CNTNAP5: variants seen among roughly 807,000 people sequenced by gnomAD.
CNTNAP5 encodes contactin-associated protein-like 5.
CNTNAP5 carries 72 observed loss-of-function variants against 150.2 expected under a neutral mutation model. The observed-to-expected ratio is 0.48, with a 90% CI of 0.40 to 0.58. The LOEUF (loss-of-function observed/expected upper bound fraction) is 0.58. CNTNAP5 is among the 20% of genes least tolerant of loss of function. The pLI is 0.00. For synonymous variants in CNTNAP5, 672 were observed against 619.8 expected (o/e 1.08, Z -1.25); for missense variants, 1,636 against 1,626.2 (o/e 1.01, Z -0.10).
chr2:124,506,612 A>T (rs1694412874), intron 8 of CNTNAP5, among the ~76,000 whole-genome samples: 1 of 152,238 alleles, frequency 6.6e-6, no homozygotes, highest in South Asian at 2.1e-4. Context: ...AGTCAAGTTT[A>T]AAAGTATTAA....
chr2:124,244,025 C>G (rs1486442952), intron 3 of CNTNAP5, among the ~76,000 whole-genome samples: 1 of 152,070 alleles, frequency 6.6e-6, no homozygotes, highest in Non-Finnish European at 1.5e-5. Context: ...TTCTCTGGTA[C>G]TTGTCATTGG....
intron 1 of CNTNAP5, among the ~76,000 whole-genome samples, chr2:124,181,672 C>T (rs1311144824): frequency 6.6e-6 from 1 of 152,174 alleles, no homozygotes; most frequent in African/African-American, 2.4e-5. Flanking sequence ...TGTACTTGAG[C>T]AAGTCATTTC....
intron 3 of CNTNAP5, among the ~76,000 whole-genome samples, chr2:124,348,410 GA>G (rs1689793092): frequency 6.6e-6 from 1 of 152,056 alleles, no homozygotes; most frequent in Non-Finnish European, 1.5e-5. Flanking sequence ...TAAACTTAGG[GA>G]AAAAACTTTC....
At chr2:124,896,545 T>C (rs948444168) in intron 21 of CNTNAP5, among the ~76,000 whole-genome samples, 1 of 151,132 alleles carries the variant, frequency 6.6e-6, no homozygotes, top group Non-Finnish European at 1.5e-5. Context: ...TTCTTTTTTT[T>C]TTGGTTTCTT....
chr2:124,025,524 CG>C lies in CNTNAP5; in HGVS notation c.-126del, dbSNP rs1680857275. The C allele has an allele frequency of 4.1e-6, 3 of 733,968 alleles. No individual in the cohort carries two copies. The highest frequency in any genetic ancestry group is 7.1e-6 in the Non-Finnish European group (3 of 419,944). The allele number at this position is 733,968 out of a possible 1,614,324, so 45.5% of individuals were successfully genotyped here. A position where few individuals can be genotyped will look rare whatever the true frequency, so the allele number is the denominator to read the frequency against. ...CTGGGCACGGGATGGAGTGAAAGAGCGAGTGCCTCTCCAAGCGGGGGTGGGA... is the reference window on the plus strand; with the variant it reads ...CTGGGCACGGGATGGAGTGAAAGAGCAGTGCCTCTCCAAGCGGGGGTGGGA... On this transcript the variant is annotated 5_prime_UTR_variant, in exon 1 of 24. Coordinates refer to ENST00000682447, the MANE Select transcript of CNTNAP5 (RefSeq NM_001367498.1).
chr2:124,158,955 T>C (rs1383710671), intron 1 of CNTNAP5, among the ~76,000 whole-genome samples: 2 of 152,220 alleles, frequency 1.3e-5, no homozygotes, highest in African/African-American at 4.8e-5. Flanking sequence ...ACAGGAATCT[T>C]ACAGTTCAAC....
chr2:124,542,207 C>T (rs553446041), intron 10 of CNTNAP5, among the ~76,000 whole-genome samples: 1 of 150,954 alleles, frequency 6.6e-6, no homozygotes, highest in African/African-American at 2.4e-5. Context: ...GTCTTCTGGC[C>T]TCACCTGTTC....
At chr2:124,414,985 A>C (rs999927788) in intron 3 of CNTNAP5, among the ~76,000 whole-genome samples, 4 of 152,172 alleles carry the variant, frequency 2.6e-5, no homozygotes, top group African/African-American at 9.7e-5. Context: ...GTAAGAAACC[A>C]CCAGAACCCA....
Position 124,773,080 on chromosome 2 carries a change from C to T in CNTNAP5, c.2752+63C>T, listed in dbSNP as rs953938205. 3.8e-6 allele frequency: 5 copies of T among 1,307,042 alleles called. No homozygotes were observed. In the Admixed American group the frequency reaches 9.2e-5, roughly 24 times the overall value. 81.0% of individuals were successfully genotyped at this position (1,307,042 alleles called of 1,614,324 possible). On this transcript the variant is annotated intron_variant, in intron 17 of 23. Coordinates refer to ENST00000682447, the MANE Select transcript of CNTNAP5 (RefSeq NM_001367498.1). ...TGCAAGATCACTGTGTGACCATGCCCAAGAAAAAATTCTCTTTTATCTGAG... is the reference window on the plus strand; with the variant it reads ...TGCAAGATCACTGTGTGACCATGCCTAAGAAAAAATTCTCTTTTATCTGAG...
chr2:124,336,896 G>A (rs1192446860), intron 3 of CNTNAP5, among the ~76,000 whole-genome samples: 1 of 152,090 alleles, frequency 6.6e-6, no homozygotes, highest in African/African-American at 2.4e-5. Context: ...ACCCAGTAAT[G>A]GGATGGCTGG....
intron 19 of CNTNAP5, among the ~76,000 whole-genome samples, chr2:124,806,519 A>C (rs1413531617): frequency 6.6e-6 from 1 of 151,298 alleles, no homozygotes; most frequent in Non-Finnish European, 1.5e-5. Flanking sequence ...CTGTGGCTCT[A>C]CGTTCTCACA....
intron 13 of CNTNAP5, among the ~76,000 whole-genome samples, chr2:124,707,513 G>A (rs1679716922): frequency 1.4e-5 from 2 of 146,212 alleles, no homozygotes; most frequent in Admixed American, 1.4e-4. Context: ...AAGTTTTAAG[G>A]AAAAAAAATC....
chr2:124,446,804 G>A lies in CNTNAP5; in HGVS notation c.785G>A (p.Ser262Asn). 6.2e-7 allele frequency: 1 copy of A among 1,613,894 alleles called. No individual in the cohort carries two copies. The highest frequency in any genetic ancestry group is 1.1e-5 in the South Asian group (1 of 91,076). Residue 262 changes from serine to asparagine, a missense_variant, in exon 6 of 24, where the codon AGC becomes AAC. Transcript: ENST00000682447. ...AGCTTGCCCTCTGCCACCCTGGGCAGCCTCCTGGATGACCAGCACTGGCAC... is the reference window on the plus strand; with the variant it reads ...AGCTTGCCCTCTGCCACCCTGGGCAACCTCCTGGATGACCAGCACTGGCAC... ...SSSLPSATLGSLLDDQHWHSV... is the reference protein window; with the variant it reads ...SSSLPSATLGNLLDDQHWHSV...
At chr2:124,322,065 G>A (rs368571771) in intron 3 of CNTNAP5, among the ~76,000 whole-genome samples, 14 of 151,866 alleles carry the variant, frequency 9.2e-5, no homozygotes, top group East Asian at 5.8e-4. Flanking sequence ...CAGGAGAATC[G>A]CTTGAACTTG....
At chr2:124,165,654 T>C (rs1431775542) in intron 1 of CNTNAP5, among the ~76,000 whole-genome samples, 5 of 152,156 alleles carry the variant, frequency 3.3e-5, no homozygotes, top group African/African-American at 1.2e-4. Context: ...AGTTTCTGAA[T>C]GGCTTGAGGT....
chr2:124,108,974 G>A (rs1683231048), intron 1 of CNTNAP5, among the ~76,000 whole-genome samples: 1 of 151,908 alleles, frequency 6.6e-6, no homozygotes, highest in Admixed American at 6.6e-5. Context: ...CTATCACATT[G>A]AAACCCTAAC....
intron 13 of CNTNAP5, among the ~76,000 whole-genome samples, chr2:124,661,154 T>C (rs929919792): frequency 3.3e-5 from 5 of 152,030 alleles, no homozygotes; most frequent in African/African-American, 1.2e-4. Flanking sequence ...TTTAAAAAAA[T>C]ATTTTTTCTT....
At position 124,033,384 on chromosome 2, in the gene CNTNAP5, G is replaced by T. The variant is rs530197627; in HGVS notation, c.82+7652G>T. 1.2e-4 allele frequency among the ~76,000 whole-genome samples: 19 copies of T among 152,230 alleles called. No individual in the cohort carries two copies. In the South Asian group the frequency reaches 3.9e-3, roughly 32 times the overall value. On this transcript the variant is annotated intron_variant, in intron 1 of 23. Coordinates refer to ENST00000682447, the MANE Select transcript of CNTNAP5 (RefSeq NM_001367498.1). Reference sequence around the variant, plus strand: ...TGCCAAACAGACTGATGTTATGTAGGTATTAGTCTAGGCCACTATTTACTG... The same window carrying T: ...TGCCAAACAGACTGATGTTATGTAGTTATTAGTCTAGGCCACTATTTACTG...
chr2:124,161,787 C>G (rs1372130864), intron 1 of CNTNAP5, among the ~76,000 whole-genome samples: 1 of 151,934 alleles, frequency 6.6e-6, no homozygotes, highest in Non-Finnish European at 1.5e-5. Context: ...TACCACAGAC[C>G]CTGAAAATTA....
Sources: gnomAD v4.1 joint callset for allele counts (sites outside exome capture counted in the v4.1 genomes callset) on GRCh38, gnomAD v4.1.1 for gene constraint, MANE v1.5 for transcripts, NCBI Gene and HGNC (gene_info 2026-07-23, HGNC 2026-07-21) for gene names.